Variants in DGKB observed in about 807,000 individuals in gnomAD.
The protein encoded by DGKB is 90 kDa diacylglycerol kinase.
A neutral mutation model predicts 114.3 loss-of-function variants in DGKB; 67 were observed. The observed-to-expected ratio is 0.59, with a 90% CI of 0.48 to 0.72. The LOEUF (loss-of-function observed/expected upper bound fraction) is 0.72. Among genes scored for constraint, DGKB ranks in the 30% least tolerant of loss-of-function variants. The pLI is 0.00. For missense variants in DGKB, 907 were observed against 975.2 expected (o/e 0.93, Z 0.93); for synonymous variants, 398 against 323.1 (o/e 1.23, Z -2.49).
At chr7:14,363,461 G>C in intron 21 of DGKB, among the ~76,000 whole-genome samples, 1 of 152,178 alleles carries the variant, frequency 6.6e-6, no homozygotes. Context: ...GTGATTCCTA[G>C]AGGGAAGCAC....
At chr7:14,177,862 A>G (rs1782017082) in intron 24 of DGKB, among the ~76,000 whole-genome samples, 169 bp downstream of exon 24, 1 of 152,190 alleles carries the variant, frequency 6.6e-6, no homozygotes, top group African/African-American at 2.4e-5. Context: ...TAGCTAACCA[A>G]TATTTTAGAC....
At chr7:14,278,644 A>C (rs1799390023) in intron 23 of DGKB, among the ~76,000 whole-genome samples, 1 of 152,194 alleles carries the variant, frequency 6.6e-6, no homozygotes, top group Admixed American at 6.5e-5. Flanking sequence ...ATGGGATTGC[A>C]TCAAACTAAA....
intron 1 of DGKB, among the ~76,000 whole-genome samples, chr7:14,940,434 G>A (rs1785510593): frequency 6.6e-6 from 1 of 151,522 alleles, no homozygotes; most frequent in Admixed American, 6.6e-5. Context: ...ATTCTGCTGA[G>A]AAGAACAGAA....
chr7:14,755,538 T>C (rs2128443144), intron 3 of DGKB, among the ~76,000 whole-genome samples: 1 of 152,280 alleles, frequency 6.6e-6, no homozygotes, highest in South Asian at 2.1e-4. Flanking sequence ...CATTAACTAG[T>C]CATCAGTGCA....
At chr7:14,512,133 C>T (rs1040266542) in intron 20 of DGKB, among the ~76,000 whole-genome samples, 5 of 152,074 alleles carry the variant, frequency 3.3e-5, no homozygotes, top group African/African-American at 1.2e-4. Flanking sequence ...ATAGGGTTGC[C>T]ATAGACCTTC....
At chr7:14,220,455 TC>T (rs1455264521) in intron 23 of DGKB, among the ~76,000 whole-genome samples, 1 of 151,536 alleles carries the variant, frequency 6.6e-6, no homozygotes, top group East Asian at 1.9e-4. Flanking sequence ...ATTTATGGAC[TC>T]CCAATTCTAT....
chr7:14,485,053 G>C (rs1284173991), intron 20 of DGKB, among the ~76,000 whole-genome samples: 1 of 150,778 alleles, frequency 6.6e-6, no homozygotes. Flanking sequence ...GTTAATCTGA[G>C]TCCTATGGGG....
At chr7:14,178,204 A>G in intron 23 of DGKB, 53 bp from the exon 24 acceptor site, 1 of 1,570,284 alleles carries the variant, frequency 6.4e-7, no homozygotes, top group Non-Finnish European at 8.7e-7. Context: ...TATGTCCACA[A>G]TTTAATGCCA....
At chr7:14,349,598 G>A (rs1377643517) in intron 21 of DGKB, among the ~76,000 whole-genome samples, 1 of 152,076 alleles carries the variant, frequency 6.6e-6, no homozygotes, top group East Asian at 1.9e-4. Context: ...CTGCTCATGT[G>A]CAAAAGCTAC....
intron 21 of DGKB, among the ~76,000 whole-genome samples, chr7:14,347,488 G>C (rs1562982482): frequency 6.6e-6 from 1 of 151,832 alleles, no homozygotes; most frequent in South Asian, 2.1e-4. Context: ...AGGTATTGTT[G>C]GACCTTATGC....
At chr7:14,570,197 C>T (rs1257692763) in intron 20 of DGKB, among the ~76,000 whole-genome samples, 3 of 151,410 alleles carry the variant, frequency 2.0e-5, no homozygotes, top group Admixed American at 2.0e-4. Flanking sequence ...AGTATTTTTG[C>T]AAAGTCAATT....
At chr7:14,730,429 G>A (rs137971399) in intron 5 of DGKB, among the ~76,000 whole-genome samples, 34 of 152,246 alleles carry the variant, frequency 2.2e-4, no homozygotes, top group Admixed American at 1.2e-3. Context: ...AACACACCGC[G>A]TGCTATTTAA....
At chr7:14,354,936 T>A (rs1814159147) in intron 21 of DGKB, among the ~76,000 whole-genome samples, 1 of 152,196 alleles carries the variant, frequency 6.6e-6, no homozygotes, top group African/African-American at 2.4e-5. Flanking sequence ...TTTGCCAAGA[T>A]GAGAGTGAGA....
intron 23 of DGKB, among the ~76,000 whole-genome samples, chr7:14,235,961 T>C (rs1792703616): frequency 6.6e-6 from 1 of 152,110 alleles, no homozygotes; most frequent in Admixed American, 6.6e-5. Flanking sequence ...CACACATGGA[T>C]GCACAAGACA....
intron 23 of DGKB, among the ~76,000 whole-genome samples, chr7:14,190,028 A>C (rs1784072196): frequency 6.6e-6 from 1 of 152,192 alleles, no homozygotes; most frequent in South Asian, 2.1e-4. Flanking sequence ...TTGGACTTAC[A>C]CTGCACCATA....
intron 23 of DGKB, among the ~76,000 whole-genome samples, chr7:14,263,208 G>T (rs1376503114): frequency 6.6e-6 from 1 of 152,102 alleles, no homozygotes; most frequent in African/African-American, 2.4e-5. Flanking sequence ...CGAGTAAACT[G>T]TGAGTTTGCA....
intron 13 of DGKB, among the ~76,000 whole-genome samples, chr7:14,648,343 C>A (rs930420816): frequency 1.1e-4 from 17 of 152,274 alleles, no homozygotes; most frequent in South Asian, 8.3e-4. Context: ...GACCCCTGAC[C>A]CCCGAGCAGC....
chr7:14,422,477 G>A (rs891288123), intron 21 of DGKB, among the ~76,000 whole-genome samples: 2 of 151,858 alleles, frequency 1.3e-5, no homozygotes, highest in Non-Finnish European at 1.5e-5. Flanking sequence ...ATTTTATTTT[G>A]GCAGAAGATC....
intron 2 of DGKB, among the ~76,000 whole-genome samples, chr7:14,796,689 A>AAAG (rs1323991591): frequency 2.0e-5 from 3 of 146,956 alleles, no homozygotes; most frequent in African/African-American, 7.4e-5. Flanking sequence ...CTAGAAAGTA[A>AAAG]AAAAAAAAAA....
Sources: gnomAD v4.1 joint callset for allele counts (sites outside exome capture counted in the v4.1 genomes callset) on GRCh38, gnomAD v4.1.1 for gene constraint, MANE v1.5 for transcripts, NCBI Gene and HGNC (gene_info 2026-07-23, HGNC 2026-07-21) for gene names.